Variants in PAK2 observed in about 807,000 individuals in gnomAD.
The protein encoded by PAK2 is p21 (RAC1) activated kinase 2.
In PAK2, 21 loss-of-function variants were observed where a neutral mutation model predicts 65.9. The observed-to-expected ratio is 0.32, with a 90% CI of 0.23 to 0.46. The LOEUF (loss-of-function observed/expected upper bound fraction) is 0.46, where lower values mean the gene tolerates loss of function less well. Ranked by LOEUF, PAK2 falls within the 20% of genes least tolerant of loss-of-function variation. The pLI is 1.00. For missense variants in PAK2, 324 were observed against 642.6 expected (o/e 0.50, Z 5.36); for synonymous variants, 204 against 219.7 (o/e 0.93, Z 0.63).
At chr3:196,819,825 C>T (rs1318086985) in intron 12 of PAK2, among the ~76,000 whole-genome samples, 1 of 152,076 alleles carries the variant, frequency 6.6e-6, no homozygotes, top group Non-Finnish European at 1.5e-5. Flanking sequence ...GTGATTCTGG[C>T]TTCTGTTTGT....
At position 196,740,044 on chromosome 3, in the gene PAK2, C is replaced by T. The variant is rs1713131497; in HGVS notation, c.-135C>T. 1 of 151,430 alleles carries T rather than the reference C, an allele frequency of 6.6e-6. No individual in the cohort carries two copies. The highest frequency in any genetic ancestry group is 2.1e-4 in the South Asian group (1 of 4,752). The allele number at this position is 151,430 out of a possible 1,614,324, so 9.4% of individuals were successfully genotyped here. ...CGCGGCGTCTCTTCCCGCCCCGCTT[C>T]CCCTTCCCTCCCCTCCCCTCCCCGC... On this transcript the variant is annotated 5_prime_UTR_variant, in exon 1 of 15. Transcript: ENST00000327134.
intron 2 of PAK2, among the ~76,000 whole-genome samples, chr3:196,797,809 A>T (rs1715304754): frequency 6.6e-6 from 1 of 152,208 alleles, no homozygotes; most frequent in Non-Finnish European, 1.5e-5. Context: ...TTGTGATCAT[A>T]ATATAATTCA....
At chr3:196,789,560 A>G (rs968012142) in intron 2 of PAK2, among the ~76,000 whole-genome samples, 1 of 151,586 alleles carries the variant, frequency 6.6e-6, no homozygotes, top group Non-Finnish European at 1.5e-5. Flanking sequence ...CCTCCTGGGT[A>G]CAAGCAATTC....
At chr3:196,776,122 C>A (rs1189698637) in intron 1 of PAK2, among the ~76,000 whole-genome samples, 3 of 152,138 alleles carry the variant, frequency 2.0e-5, no homozygotes, top group Non-Finnish European at 4.4e-5. Flanking sequence ...ATATTCTTAA[C>A]ACATTATTTG....
At chr3:196,825,439 T>C (rs7641143) in intron 13 of PAK2, among the ~76,000 whole-genome samples, 7,372 of 151,078 alleles carry the variant, frequency 0.049, 622 homozygotes, top group African/African-American at 0.17. Flanking sequence ...GTTGGGAGTT[T>C]AAGACCAGCC....
In PAK2 at chr3:196,832,444, A is replaced by T. The variant is rs1259340579; in HGVS notation, c.*4039A>T. On this transcript the variant is annotated 3_prime_UTR_variant, in exon 15 of 15. Transcript: ENST00000327134. Reference sequence around the variant, plus strand: ...TAACTGCTGTATTTTGACTTTGTTCAATAATTTTGTTCTTTCAGGGCTAGA... The same window carrying T: ...TAACTGCTGTATTTTGACTTTGTTCTATAATTTTGTTCTTTCAGGGCTAGA... The T allele has an allele frequency of 6.6e-6, 1 of 152,098 alleles. No individual in the cohort carries two copies. The highest frequency in any genetic ancestry group is 1.5e-5 in the Non-Finnish European group (1 of 68,022). The allele number at this position is 152,098 out of a possible 1,614,324, so 9.4% of individuals were successfully genotyped here.
intron 1 of PAK2, among the ~76,000 whole-genome samples, chr3:196,750,307 T>A (rs980400080): frequency 2.0e-5 from 3 of 152,212 alleles, no homozygotes; most frequent in East Asian, 3.9e-4. Flanking sequence ...GGCTAATTTT[T>A]AAAATCTTTT....
At position 196,820,041 on chromosome 3, in the gene PAK2, C is replaced by T. The variant is rs78010785; in HGVS notation, c.1154-330C>T. ...AGTAGTTTCCATGACCTGACCTTTA[C>T]CTGATTCACTGCATTTAGTTTTGGT... On this transcript the variant is annotated intron_variant, in intron 12 of 14. Coordinates refer to ENST00000327134, the MANE Select transcript of PAK2 (RefSeq NM_002577.4). The surrounding 1 kb of genome is among the most constrained non-coding windows in gnomAD (Gnocchi z 4.6). Among the ~76,000 whole-genome samples the T allele has an allele frequency of 1.3e-5, 2 of 152,270 alleles. No homozygotes were observed. The highest frequency in any genetic ancestry group is 3.9e-4 in the East Asian group (2 of 5,194).
At chr3:196,826,691 C>CA (rs1711888930) in intron 13 of PAK2, among the ~76,000 whole-genome samples, 1 of 151,962 alleles carries the variant, frequency 6.6e-6, no homozygotes, top group Non-Finnish European at 1.5e-5. Flanking sequence ...GAGGCCGAGG[C>CA]AGGTGGATCA....
intron 1 of PAK2, among the ~76,000 whole-genome samples, chr3:196,777,202 T>C (rs1466406899): frequency 2.0e-5 from 3 of 152,186 alleles, no homozygotes; most frequent in Non-Finnish European, 4.4e-5. Context: ...TTGGTTTTTT[T>C]TGTTTTGTTT....
chr3:196,815,158 C>G lies in PAK2; in HGVS notation c.1053+590C>G, dbSNP rs183265303. Among the ~76,000 whole-genome samples the G allele has an allele frequency of 8.3e-3, 1,260 of 151,232 alleles. 22 individuals carry two copies. The highest frequency in any genetic ancestry group is 0.082 in the East Asian group (419 of 5,094). On this transcript the variant is annotated intron_variant, in intron 11 of 14. Transcript: ENST00000327134. ...TCACACCACTGCACTCCAGCCTGGG[C>G]AACAGAGCGAGAGTCCGTCTCAAAA...
intron 13 of PAK2, among the ~76,000 whole-genome samples, chr3:196,822,371 G>A (rs895524282): frequency 6.6e-6 from 1 of 152,202 alleles, no homozygotes; most frequent in Non-Finnish European, 1.5e-5. Context: ...TGGCAGGAAG[G>A]AGGTTAGGGT....
In PAK2 at chr3:196,773,394, C is replaced by A. The variant is rs143524566; in HGVS notation, c.-21-9232C>A. ...AAGATGAACATAAGGAACCTTATCA[C>A]AGTCTCATTTGGTACTTTTCAGGCA... On this transcript the variant is annotated intron_variant, in intron 1 of 14. Coordinates refer to ENST00000327134, the MANE Select transcript of PAK2 (RefSeq NM_002577.4). Among the ~76,000 whole-genome samples, 266 of 152,238 alleles carry A rather than the reference C, an allele frequency of 1.7e-3. 2 individuals are homozygous for A. The Middle Eastern group carries it at 0.031, about 18-fold the overall frequency.
chr3:196,780,659 C>A (rs1019816911), intron 1 of PAK2, among the ~76,000 whole-genome samples: 1 of 152,004 alleles, frequency 6.6e-6, no homozygotes, highest in Admixed American at 6.5e-5. Context: ...TTTTTTTATT[C>A]TTTCTCTTTT....
At chr3:196,761,112 C>T (rs938658794) in intron 1 of PAK2, among the ~76,000 whole-genome samples, 6 of 148,792 alleles carry the variant, frequency 4.0e-5, no homozygotes, top group African/African-American at 1.5e-4. Context: ...CCTGTAATCC[C>T]GGCTACTCGG....
At position 196,815,811 on chromosome 3, in the gene PAK2, G is replaced by A. The variant is rs113296250; in HGVS notation, c.1053+1243G>A. Among the ~76,000 whole-genome samples the A allele has an allele frequency of 1.0e-3, 158 of 151,596 alleles. 2 individuals carry two copies. Among genetic ancestry groups the A allele is most frequent in the African/African-American group, 3.7e-3 (152 of 41,384 alleles). On this transcript the variant is annotated intron_variant, in intron 11 of 14. Transcript: ENST00000327134. Reference sequence around the variant, plus strand: ...AAAAAAAAAAAAGAGAAAGAAATACGCCACTCAACCGTGGAAACTAGAACT... The same window carrying A: ...AAAAAAAAAAAAGAGAAAGAAATACACCACTCAACCGTGGAAACTAGAACT...
intron 1 of PAK2, among the ~76,000 whole-genome samples, chr3:196,769,907 T>G (rs554737153): frequency 6.6e-6 from 1 of 152,208 alleles, no homozygotes; most frequent in South Asian, 2.1e-4. Flanking sequence ...ATGACCTTTA[T>G]TCTACTTTCT....
At chr3:196,810,042 T>C (rs1715722388) in intron 7 of PAK2, among the ~76,000 whole-genome samples, 1 of 152,140 alleles carries the variant, frequency 6.6e-6, no homozygotes, top group South Asian at 2.1e-4. Context: ...TTTCTAAATA[T>C]ATTGAAAGAT....
chr3:196,799,778 C>T (rs1715363008), intron 2 of PAK2, among the ~76,000 whole-genome samples: 1 of 152,178 alleles, frequency 6.6e-6, no homozygotes, highest in Non-Finnish European at 1.5e-5. Context: ...CCGCTATACT[C>T]GGCTGAAGTT....
Sources: gnomAD v4.1 joint callset for allele counts (sites outside exome capture counted in the v4.1 genomes callset) on GRCh38, gnomAD v4.1.1 for gene constraint, Gnocchi (gnomAD v3.1) non-coding constraint, MANE v1.5 for transcripts, NCBI Gene and HGNC (gene_info 2026-07-23, HGNC 2026-07-21) for gene names.